The following CFAP97D1 variants were observed in gnomAD, a reference collection of about 807,000 sequenced individuals.
The protein encoded by CFAP97D1 is sperm axonemal maintenance protein CFAP97D1.
A neutral mutation model predicts 20.5 loss-of-function variants in CFAP97D1; 15 were observed. The ratio of observed to expected loss-of-function variants is 0.73; its 90% CI spans 0.49 to 1.13. The LOEUF is 1.13. CFAP97D1 is among the 50% of genes most tolerant of loss of function. The probability of loss-of-function intolerance (pLI) is 0.00; values close to 1 mark genes in which losing one functional copy is unlikely to be tolerated. For missense variants in CFAP97D1, 168 were observed against 202.9 expected (o/e 0.83, Z 1.04); for synonymous variants, 58 against 71.2 (o/e 0.82, Z 0.93).
At chr17:43,780,913 A>G (rs1419218908) in intron 1 of CFAP97D1, among the ~76,000 whole-genome samples, 2 of 152,240 alleles carry the variant, frequency 1.3e-5, no homozygotes, top group Non-Finnish European at 2.9e-5. Context: ...TTATCTCTGT[A>G]AATTTTATTT....
intron 3 of CFAP97D1, among the ~76,000 whole-genome samples, chr17:43,782,223 A>T (rs1376042811): frequency 6.6e-6 from 1 of 152,220 alleles, no homozygotes; most frequent in Non-Finnish European, 1.5e-5. Flanking sequence ...CTTATAAACA[A>T]CAAAAATTTC....
chr17:43,781,686 C>T (rs1336180388), intron 2 of CFAP97D1, 88 bp from the exon 3 acceptor site: 16 of 899,142 alleles, frequency 1.8e-5, no homozygotes, highest in Admixed American at 1.7e-4. Context: ...CCCTTTCCCA[C>T]GATCTCAGAG....
rs966732597 is a variant in CFAP97D1 at position 43,785,486 on chromosome 17, G to T, written c.*1104G>T. 3 of 150,684 alleles carry T rather than the reference G, an allele frequency of 2.0e-5. No homozygotes were observed. Among genetic ancestry groups the T allele is most frequent in the Non-Finnish European group, 4.4e-5 (3 of 67,840 alleles). The allele number at this position is 150,684 out of a possible 1,614,324, so 9.3% of individuals were successfully genotyped here. On this transcript the variant is annotated 3_prime_UTR_variant, in exon 6 of 6. Transcript: ENST00000449302. ...TCGCCCAGGCTGGAGTGCAGATGGC[G>T]CGATCTCAGCTCACTGCAACCTCCG... is the stretch of plus-strand genomic sequence containing the variant.
chr17:43,785,571 C>G lies in CFAP97D1; in HGVS notation c.*1189C>G, dbSNP rs2154590844. 1 of 152,304 alleles carries G rather than the reference C, an allele frequency of 6.6e-6. No homozygotes were observed. The highest frequency in any genetic ancestry group is 6.5e-5 in the Admixed American group (1 of 15,286). The allele number at this position is 152,304 out of a possible 1,614,324, so 9.4% of individuals were successfully genotyped here. ...TCCCAAGTAGCTGAGACTACAGGCA[C>G]TCGCCACCACGCCCAGCTAATTTTT... On this transcript the variant is annotated 3_prime_UTR_variant, in exon 6 of 6. Transcript: ENST00000449302.
chr17:43,783,998 T>C lies in CFAP97D1; in HGVS notation c.*105T>C. 9.8e-6 allele frequency: 8 copies of C among 814,036 alleles called. No individual in the cohort carries two copies. The South Asian group carries it at 1.2e-4, about 12-fold the overall frequency. The allele number at this position is 814,036 out of a possible 1,614,324, so 50.4% of individuals were successfully genotyped here. ...GCCCAGTTAAGGAGACGGATTTTGC[T>C]CTTCTCATATAATATTGACTAGTCT... On this transcript the variant is annotated intron_variant, in intron 5 of 5. Coordinates refer to ENST00000449302, the MANE Select transcript of CFAP97D1 (RefSeq NM_001136483.3).
At chr17:43,783,075 C>A in intron 3 of CFAP97D1, 105 bp from the exon 4 acceptor site, 1 of 1,427,124 alleles carries the variant, frequency 7.0e-7, no homozygotes, top group Non-Finnish European at 9.6e-7. Flanking sequence ...AGTTTACTCC[C>A]TGCACTTAGA....
At chr17:43,780,653 A>G in intron 1 of CFAP97D1, 67 bp downstream of exon 1, 1 of 1,528,438 alleles carries the variant, frequency 6.5e-7, no homozygotes, top group Non-Finnish European at 8.9e-7. Context: ...TAAAGAGATC[A>G]ACAGGAAACC....
intron 4 of CFAP97D1, 87 bp downstream of exon 4, chr17:43,783,390 C>T: frequency 6.9e-7 from 1 of 1,453,874 alleles, no homozygotes; most frequent in Non-Finnish European, 9.3e-7. Flanking sequence ...AATCCCTGAA[C>T]AGCTAGAGTC....
intron 2 of CFAP97D1, among the ~76,000 whole-genome samples, 160 bp from the exon 3 acceptor site, chr17:43,781,614 C>A (rs939221828): frequency 1.3e-5 from 2 of 151,368 alleles, no homozygotes; most frequent in South Asian, 4.1e-4. Context: ...CGTGAGCCAC[C>A]GTGCCCGGCC....
At chr17:43,781,071 T>G (rs1407506523) in intron 1 of CFAP97D1, 48 bp from the exon 2 acceptor site, 6 of 1,433,278 alleles carry the variant, frequency 4.2e-6, no homozygotes, top group Non-Finnish European at 5.8e-6. Flanking sequence ...AGGCCGCTAC[T>G]GGAATTCCTG....
At chr17:43,780,637 A>G in intron 1 of CFAP97D1, 51 bp downstream of exon 1, 2 of 1,547,728 alleles carry the variant, frequency 1.3e-6, no homozygotes, top group South Asian at 1.2e-5. Context: ...TTGGAATGGT[A>G]CCCCATAAAG....
chr17:43,781,675 C>A (rs1371443810), intron 2 of CFAP97D1, 99 bp from the exon 3 acceptor site: 2 of 833,224 alleles, frequency 2.4e-6, no homozygotes, highest in Non-Finnish European at 2.0e-6. Flanking sequence ...CCTCAATGCA[C>A]CCCTTTCCCA....
In CFAP97D1 at chr17:43,782,478, A is replaced by T. The variant is rs955429499; in HGVS notation, c.314+586A>T. Among the ~76,000 whole-genome samples, 3 of 152,320 alleles carry T rather than the reference A, an allele frequency of 2.0e-5. No homozygotes were observed. The East Asian group carries it at 5.8e-4, about 29-fold the overall frequency. On this transcript the variant is annotated intron_variant, in intron 3 of 5. Coordinates refer to ENST00000449302, the MANE Select transcript of CFAP97D1 (RefSeq NM_001136483.3). Reference sequence around the variant, plus strand: ...CATAAGAATTTTGGGGGACACAGGCATCTGTTCCATAGCACCATGGCTGGG... The same window carrying T: ...CATAAGAATTTTGGGGGACACAGGCTTCTGTTCCATAGCACCATGGCTGGG...
At chr17:43,784,121 G>T (rs865932023) in intron 5 of CFAP97D1, among the ~76,000 whole-genome samples, 9 of 152,206 alleles carry the variant, frequency 5.9e-5, no homozygotes, top group African/African-American at 1.9e-4. Context: ...GGCTTTGTGG[G>T]AGTCTGAGGG....
At chr17:43,781,255 G>C in intron 2 of CFAP97D1, 66 bp downstream of exon 2, 1 of 1,341,598 alleles carries the variant, frequency 7.5e-7, no homozygotes, top group Non-Finnish European at 1.0e-6. Context: ...GTTTCCTAAA[G>C]AGGTTCAATT....
intron 2 of CFAP97D1, 88 bp from the exon 3 acceptor site, chr17:43,781,686 C>A: frequency 2.2e-6 from 2 of 899,266 alleles, no homozygotes; most frequent in Non-Finnish European, 3.6e-6. Flanking sequence ...CCCTTTCCCA[C>A]GATCTCAGAG....
At chr17:43,783,953 C>G in intron 5 of CFAP97D1, 60 bp downstream of exon 5, 1 of 1,349,596 alleles carries the variant, frequency 7.4e-7, no homozygotes, top group South Asian at 1.3e-5. Flanking sequence ...CCTGAGAACC[C>G]CATAAATGGC....
At chr17:43,783,725 C>T in intron 4 of CFAP97D1, 112 bp from the exon 5 acceptor site, 1 of 807,560 alleles carries the variant, frequency 1.2e-6, no homozygotes, top group Non-Finnish European at 2.0e-6. Context: ...TAAAAAACCT[C>T]CACTTACCGA....
intron 4 of CFAP97D1, among the ~76,000 whole-genome samples, 185 bp downstream of exon 4, chr17:43,783,488 A>T (rs1974496306): frequency 6.6e-6 from 1 of 151,972 alleles, no homozygotes; most frequent in East Asian, 1.9e-4. Flanking sequence ...CAAACAGCTA[A>T]AACAGCTTGG....
Sources: gnomAD v4.1 joint callset for allele counts (sites outside exome capture counted in the v4.1 genomes callset) on GRCh38, gnomAD v4.1.1 for gene constraint, MANE v1.5 for transcripts, NCBI Gene and HGNC (gene_info 2026-07-23, HGNC 2026-07-21) for gene names.